Variants in PALM2AKAP2 observed in about 807,000 individuals in gnomAD.
PALM2AKAP2 encodes PALM2 and AKAP2 fusion, also known as PALM2-AKAP2 fusion protein.
A neutral mutation model predicts 71.5 loss-of-function variants in PALM2AKAP2; 37 were observed. That is an observed-to-expected ratio of 0.52 (90% CI 0.40 to 0.68). The LOEUF (loss-of-function observed/expected upper bound fraction) is 0.68. PALM2AKAP2 is among the 30% of genes least tolerant of loss of function. The pLI, the probability that PALM2AKAP2 is intolerant of heterozygous loss-of-function variation, is 0.00. For missense variants in PALM2AKAP2, 1,224 were observed against 1,191.8 expected (o/e 1.03, Z -0.40); for synonymous variants, 468 against 478.8 (o/e 0.98, Z 0.29).
rs143476852 is a variant in PALM2AKAP2, at chr9:109,906,272, C to T, written c.258-17463C>T. Among the ~76,000 whole-genome samples the T allele has an allele frequency of 1.3e-3, 196 of 152,352 alleles. 2 individuals carry two copies. Among genetic ancestry groups the T allele is most frequent in the African/African-American group, 4.4e-3 (185 of 41,578 alleles). ...GGAGTGCAGTGGTGCAATCTCGGCT[C>T]ACTGCAACCTCCAACTCCTGGGTTC... On this transcript the variant is annotated intron_variant, in intron 3 of 9. Coordinates refer to the PALM2AKAP2 transcript ENST00000302798.
rs1027927789 is a variant in PALM2AKAP2 at position 110,081,623 on chromosome 9, T to G, written c.156+32768T>G. Among the ~76,000 whole-genome samples the G allele has an allele frequency of 2.6e-5, 4 of 152,252 alleles. No individual in the cohort carries two copies. The East Asian group carries it at 7.7e-4, about 29-fold the overall frequency. The stretch of plus-strand genomic sequence containing the variant: ...AAAAGAATTCTTAGAGGTGAGCCAG[T>G]CGAGGCCCCAGCACCCGCTTCCCAA... On this transcript the variant is annotated intron_variant, in intron 1 of 3. Transcript: ENST00000374525.
intron 6 of PALM2AKAP2, among the ~76,000 whole-genome samples, chr9:109,934,234 T>G (rs369976250): frequency 6.6e-6 from 1 of 152,206 alleles, no homozygotes; most frequent in African/African-American, 2.4e-5. Flanking sequence ...CTGTGATTCA[T>G]GTTTAATCTT....
Position 109,738,489 on chromosome 9 carries a change from C to A in PALM2AKAP2, c.6-41999C>A, listed in dbSNP as rs558928665. 7.9e-5 allele frequency among the ~76,000 whole-genome samples: 12 copies of A among 152,272 alleles called. No individual in the cohort carries two copies. The East Asian group carries it at 1.3e-3, about 17-fold the overall frequency. Reference sequence around the variant, plus strand: ...AACCAATAAGTGAATTTAGCAAGGTCTCAGGATAAAAGATCAATATAAAAA... The same window carrying A: ...AACCAATAAGTGAATTTAGCAAGGTATCAGGATAAAAGATCAATATAAAAA... On this transcript the variant is annotated intron_variant, in intron 1 of 6. Transcript: ENST00000374531.
At chr9:109,654,657 T>A (rs1421734859) in intron 1 of PALM2AKAP2, among the ~76,000 whole-genome samples, 2 of 152,122 alleles carry the variant, frequency 1.3e-5, no homozygotes, top group Non-Finnish European at 2.9e-5. Context: ...TTTTGTTATA[T>A]CAGGATGGTG....
chr9:109,665,116 C>T (rs1434326632), intron 1 of PALM2AKAP2, among the ~76,000 whole-genome samples: 2 of 152,128 alleles, frequency 1.3e-5, no homozygotes, highest in African/African-American at 4.8e-5. Flanking sequence ...GGCTTCCTTG[C>T]GATGGGTTCG....
At chr9:110,041,505 C>G (rs1363209056) in intron 7 of PALM2AKAP2, among the ~76,000 whole-genome samples, 4 of 152,012 alleles carry the variant, frequency 2.6e-5, no homozygotes. Flanking sequence ...GCTCAAGCAG[C>G]TGCGGTGAAT....
chr9:109,661,212 G>A (rs1827390018), intron 1 of PALM2AKAP2, among the ~76,000 whole-genome samples: 2 of 151,990 alleles, frequency 1.3e-5, no homozygotes, highest in African/African-American at 4.8e-5. Context: ...CATTGTTTTT[G>A]GTGCTTTAGA....
intron 3 of PALM2AKAP2, among the ~76,000 whole-genome samples, chr9:109,923,114 C>T (rs1274986334): frequency 6.6e-6 from 1 of 152,162 alleles, no homozygotes; most frequent in Middle Eastern, 3.2e-3. Context: ...AGTCTCCTGG[C>T]AGTGCTGAAA....
chr9:109,971,283 CTTTTTTTTTTTTTTTTTT>C (rs11392589), intron 6 of PALM2AKAP2, among the ~76,000 whole-genome samples: 6 of 45,678 alleles, frequency 1.3e-4, no homozygotes, highest in African/African-American at 5.0e-4. Flanking sequence ...CTCTTAGTCC[CTTTTTTTTTTTTTTTTTT>C]TTTTTTTTTT....
intron 1 of PALM2AKAP2, among the ~76,000 whole-genome samples, chr9:110,077,233 G>A (rs1307140749): frequency 1.3e-5 from 2 of 152,160 alleles, no homozygotes; most frequent in East Asian, 1.9e-4. Context: ...GACTGTAGTC[G>A]TACTCCTCTA....
upstream of PALM2AKAP2, among the ~76,000 whole-genome samples, chr9:109,777,140 A>C (rs1294804370): frequency 6.6e-6 from 1 of 152,206 alleles, no homozygotes; most frequent in African/African-American, 2.4e-5. Flanking sequence ...ATCAGTCTTA[A>C]TCAATGACTC....
chr9:109,793,057 G>C (rs1827159875), intron 1 of PALM2AKAP2, among the ~76,000 whole-genome samples: 1 of 152,178 alleles, frequency 6.6e-6, no homozygotes, highest in Non-Finnish European at 1.5e-5. Flanking sequence ...TTAGCCAAAG[G>C]CCAAGAAGCG....
intron 3 of PALM2AKAP2, among the ~76,000 whole-genome samples, chr9:109,904,447 TGATC>T (rs1830399560): frequency 6.6e-6 from 1 of 152,222 alleles, no homozygotes; most frequent in Admixed American, 6.5e-5. Context: ...AGGAGGCTTG[TGATC>T]ATTCATTCAT....
At position 109,905,209 on chromosome 9, in the gene PALM2AKAP2, T is replaced by C. The variant is rs1381196332; in HGVS notation, c.258-18526T>C. 2.0e-5 allele frequency among the ~76,000 whole-genome samples: 3 copies of C among 152,220 alleles called. No homozygotes were observed. The East Asian group carries it at 5.8e-4, about 29-fold the overall frequency. On this transcript the variant is annotated intron_variant, in intron 3 of 9. Coordinates refer to the PALM2AKAP2 transcript ENST00000302798. ...AGTTTTAGTTCCTAAAGTTTTTGTC[T>C]CCAACTCCCATAATAAATGTACTGG...
At chr9:109,671,237 G>A (rs572396250) in intron 1 of PALM2AKAP2, among the ~76,000 whole-genome samples, 2 of 152,154 alleles carry the variant, frequency 1.3e-5, no homozygotes, top group East Asian at 3.9e-4. Context: ...TTATAGCTTT[G>A]GGTTTTACAT....
chr9:109,813,854 GCA>G (rs1191914009), intron 1 of PALM2AKAP2, among the ~76,000 whole-genome samples: 2 of 152,162 alleles, frequency 1.3e-5, no homozygotes, highest in African/African-American at 4.8e-5. Flanking sequence ...GGTCTACAAG[GCA>G]GTGTAACACA....
At chr9:110,115,753 TG>T (rs57210826) in intron 1 of PALM2AKAP2, among the ~76,000 whole-genome samples, 122,812 of 152,122 alleles carry the variant, frequency 0.81, 49,778 homozygotes, top group East Asian at 0.97. Flanking sequence ...TCCACGATCG[TG>T]GGGGTGGTTC....
At chr9:109,807,940 T>C (rs1208441740) in intron 1 of PALM2AKAP2, among the ~76,000 whole-genome samples, 3 of 152,226 alleles carry the variant, frequency 2.0e-5, no homozygotes, top group African/African-American at 7.2e-5. Context: ...TGGGCACTCC[T>C]CCTTCCTGCC....
chr9:109,665,514 G>A (rs142334711), intron 1 of PALM2AKAP2, among the ~76,000 whole-genome samples: 55 of 152,274 alleles, frequency 3.6e-4, no homozygotes, highest in African/African-American at 1.2e-3. Context: ...TATCGCCAGC[G>A]GAGGCTGCAG....
Sources: allele counts gnomAD v4.1 joint callset (sites outside exome capture counted in the v4.1 genomes callset), GRCh38; gene constraint gnomAD v4.1.1; transcripts MANE v1.5; gene names NCBI Gene and HGNC (gene_info 2026-07-23, HGNC 2026-07-21).